SYT16: variants seen among roughly 807,000 people sequenced by gnomAD.
SYT16 encodes synaptotagmin-16.
A neutral mutation model predicts 61.4 loss-of-function variants in SYT16; 42 were observed. The observed-to-expected ratio is 0.68, with a 90% CI of 0.53 to 0.89. SYT16 has a LOEUF of 0.89. Ranked by LOEUF, SYT16 falls within the 40% of genes least tolerant of loss-of-function variation. The probability of loss-of-function intolerance (pLI) is 0.00; values close to 1 mark genes in which losing one functional copy is unlikely to be tolerated. For synonymous variants in SYT16, 314 were observed against 302.3 expected (o/e 1.04, Z -0.40); for missense variants, 804 against 807.3 (o/e 1.00, Z 0.05).
intron 1 of SYT16, among the ~76,000 whole-genome samples, chr14:61,892,354 A>G (rs1327597588): frequency 2.0e-5 from 3 of 151,284 alleles, no homozygotes; most frequent in Admixed American, 6.6e-5. Flanking sequence ...TTCACACCTC[A>G]TGCTCCTTTC....
chr14:62,038,756 A>C (rs2054605113), intron 3 of SYT16, among the ~76,000 whole-genome samples: 1 of 152,198 alleles, frequency 6.6e-6, no homozygotes. Flanking sequence ...GAGAATCAGA[A>C]AGGGCTCACC....
At chr14:61,908,701 G>A (rs1293040184) in intron 1 of SYT16, among the ~76,000 whole-genome samples, 1 of 152,154 alleles carries the variant, frequency 6.6e-6, no homozygotes, top group South Asian at 2.1e-4. Flanking sequence ...TTTTCTGATT[G>A]AAAATCTTAT....
intron 1 of SYT16, among the ~76,000 whole-genome samples, chr14:61,854,466 C>T (rs189213705): frequency 1.7e-4 from 26 of 152,344 alleles, no homozygotes; most frequent in African/African-American, 6.0e-4. Flanking sequence ...ATACCTCTCT[C>T]GGAGATCCTT....
chr14:61,980,489 T>C (rs2052022669), intron 2 of SYT16, among the ~76,000 whole-genome samples: 1 of 152,186 alleles, frequency 6.6e-6, no homozygotes, highest in South Asian at 2.1e-4. Flanking sequence ...GCTTTAAAAA[T>C]ATATAGGCTT....
intron 1 of SYT16, among the ~76,000 whole-genome samples, chr14:61,916,505 G>C (rs1390480980): frequency 6.6e-6 from 1 of 151,906 alleles, no homozygotes; most frequent in Non-Finnish European, 1.5e-5. Flanking sequence ...GTGATATTTT[G>C]ATACATACAT....
At chr14:61,948,900 G>T (rs1271561880) in intron 1 of SYT16, among the ~76,000 whole-genome samples, 1 of 152,168 alleles carries the variant, frequency 6.6e-6, no homozygotes, top group Non-Finnish European at 1.5e-5. Context: ...GAAGAATAAG[G>T]ATGTGCAATG....
intron 1 of SYT16, among the ~76,000 whole-genome samples, chr14:61,882,528 A>G (rs886145760): frequency 2.0e-5 from 3 of 152,152 alleles, no homozygotes; most frequent in Admixed American, 2.0e-4. Context: ...CCCTTAACAC[A>G]TGGGGATTAC....
chr14:61,888,182 A>T (rs530062107), intron 1 of SYT16, among the ~76,000 whole-genome samples: 1 of 137,598 alleles, frequency 7.3e-6, no homozygotes, highest in Admixed American at 7.8e-5. Context: ...CAGTGGCGTG[A>T]TCTTGGCTCA....
rs553476192 is a variant in SYT16, at chr14:62,101,407, T to C, written c.*700T>C. ...TTAAGACAACTTGTCTCCTTTTGAA[T>C]ATGTAAGATTTCAAACTTGTGACTT... On this transcript the variant is annotated 3_prime_UTR_variant, in exon 8 of 8. Transcript: ENST00000683842. The C allele has an allele frequency of 6.6e-6, 1 of 152,296 alleles. No individual in the cohort carries two copies. The highest frequency in any genetic ancestry group is 2.1e-4 in the South Asian group (1 of 4,828). 9.4% of individuals were successfully genotyped at this position (152,296 alleles called of 1,614,324 possible).
chr14:61,876,260 G>C (rs1475382423), intron 1 of SYT16, among the ~76,000 whole-genome samples: 1 of 152,182 alleles, frequency 6.6e-6, no homozygotes, highest in African/African-American at 2.4e-5. Context: ...ACTTGTTTCA[G>C]GTTGCATTTA....
chr14:61,917,546 G>A (rs1004552300), intron 1 of SYT16, among the ~76,000 whole-genome samples: 4 of 152,146 alleles, frequency 2.6e-5, no homozygotes, highest in Admixed American at 2.6e-4. Context: ...AAAACATAAA[G>A]CCAGTGCAAT....
intron 7 of SYT16, among the ~76,000 whole-genome samples, chr14:62,098,199 G>C (rs1052121080): frequency 6.6e-6 from 1 of 152,180 alleles, no homozygotes; most frequent in Non-Finnish European, 1.5e-5. Flanking sequence ...AGAGATCTGC[G>C]TTTACGCTTT....
chr14:61,886,752 C>T (rs1374928432), intron 1 of SYT16, among the ~76,000 whole-genome samples: 1 of 152,148 alleles, frequency 6.6e-6, no homozygotes, highest in African/African-American at 2.4e-5. Context: ...GATATTTTGG[C>T]CTCCTCCCAT....
At chr14:61,861,818 C>T (rs1215762522) in intron 1 of SYT16, among the ~76,000 whole-genome samples, 1 of 152,066 alleles carries the variant, frequency 6.6e-6, no homozygotes, top group Non-Finnish European at 1.5e-5. Context: ...GTTTTGGTTT[C>T]CTAGTGCATA....
chr14:62,084,249 A>G lies in SYT16; in HGVS notation c.1488A>G (p.Ser496=). The G allele has an allele frequency of 6.2e-7, 1 of 1,613,904 alleles. No homozygotes were observed. Among genetic ancestry groups the G allele is most frequent in the Non-Finnish European group, 8.5e-7 (1 of 1,179,872 alleles). The change falls in exon 7 of 8, where the codon TCA becomes TCG. Residue 496 remains serine, a synonymous_variant. Transcript: ENST00000683842. ...PSAVSHSDST[S]STQSLSHGGA... is the part of the protein sequence containing the mutation. ...CGGTTTCTCACAGTGATAGTACTTCATCCACGCAGTCGCTGTCTCATGGAG... is the reference window on the plus strand; with the variant it reads ...CGGTTTCTCACAGTGATAGTACTTCGTCCACGCAGTCGCTGTCTCATGGAG...
chr14:61,830,289 A>G (rs1429994760), intron 1 of SYT16, among the ~76,000 whole-genome samples: 1 of 152,190 alleles, frequency 6.6e-6, no homozygotes, highest in Non-Finnish European at 1.5e-5. Flanking sequence ...ACTTTGATGA[A>G]TAACTTTGGA....
intron 3 of SYT16, among the ~76,000 whole-genome samples, chr14:62,011,926 C>CACATATATATATATAT (rs1555370087): frequency 7.5e-6 from 1 of 132,772 alleles, no homozygotes; most frequent in African/African-American, 3.4e-5. Flanking sequence ...CACACACACA[C>CACATATATATATATAT]ATATATATAT....
chr14:62,085,419 T>C (rs906906852), intron 7 of SYT16, among the ~76,000 whole-genome samples: 2 of 151,968 alleles, frequency 1.3e-5, no homozygotes, highest in African/African-American at 4.8e-5. Flanking sequence ...GGGAGTAGAG[T>C]AGAGGGCTAG....
chr14:62,028,287 T>C (rs1046984461), intron 3 of SYT16, among the ~76,000 whole-genome samples: 3 of 152,216 alleles, frequency 2.0e-5, no homozygotes, highest in African/African-American at 7.2e-5. Context: ...ATGACAATGA[T>C]TATAATCACT....
Sources: gnomAD v4.1 joint callset for allele counts (sites outside exome capture counted in the v4.1 genomes callset) on GRCh38, gnomAD v4.1.1 for gene constraint, MANE v1.5 for transcripts, NCBI Gene and HGNC (gene_info 2026-07-23, HGNC 2026-07-21) for gene names.